The following MTSS1 variants were observed in gnomAD, a reference collection of about 807,000 sequenced individuals.
The protein encoded by MTSS1 is MTSS I-BAR domain containing 1, also known as protein MTSS 1.
Under a neutral mutation model 79.0 loss-of-function variants are expected in MTSS1, and 18 were observed. The ratio of observed to expected loss-of-function variants is 0.23; its 90% CI spans 0.16 to 0.34. The LOEUF (loss-of-function observed/expected upper bound fraction) is 0.34. MTSS1 is among the 10% of genes least tolerant of loss of function. The probability of loss-of-function intolerance (pLI) is 1.00; values close to 1 mark genes in which losing one functional copy is unlikely to be tolerated. For missense variants in MTSS1, 815 were observed against 986.2 expected (o/e 0.83, Z 2.33); for synonymous variants, 341 against 368.6 (o/e 0.93, Z 0.86).
At chr8:124,654,011 G>C (rs1820497746) in intron 3 of MTSS1, among the ~76,000 whole-genome samples, 1 of 152,172 alleles carries the variant, frequency 6.6e-6, no homozygotes, top group Non-Finnish European at 1.5e-5. Context: ...TCACAGAGAA[G>C]TTACAGAACA....
At chr8:124,606,813 A>G (rs1335028068) in intron 3 of MTSS1, among the ~76,000 whole-genome samples, 2 of 152,162 alleles carry the variant, frequency 1.3e-5, no homozygotes, top group Non-Finnish European at 2.9e-5. Flanking sequence ...TTCAGGGTGG[A>G]CATGTACTGT....
intron 1 of MTSS1, 96 bp from the exon 2 acceptor site, chr8:124,704,287 C>T: frequency 9.4e-7 from 1 of 1,060,906 alleles, no homozygotes; most frequent in Non-Finnish European, 1.5e-6. Flanking sequence ...AGGGAACAAT[C>T]TGTGTATGTT....
intron 10 of MTSS1, among the ~76,000 whole-genome samples, chr8:124,562,449 C>T (rs1825541618): frequency 6.6e-6 from 1 of 152,134 alleles, no homozygotes; most frequent in African/African-American, 2.4e-5. Flanking sequence ...TGTGCAATGC[C>T]CTTTAATTAT....
chr8:124,684,659 C>G (rs1011096114), intron 3 of MTSS1, among the ~76,000 whole-genome samples: 1 of 152,128 alleles, frequency 6.6e-6, no homozygotes, highest in South Asian at 2.1e-4. Flanking sequence ...CAGATACCAC[C>G]GGGTTCCATC....
At chr8:124,566,440 C>A (rs1355890700) in intron 8 of MTSS1, among the ~76,000 whole-genome samples, 1 of 152,130 alleles carries the variant, frequency 6.6e-6, no homozygotes, top group Non-Finnish European at 1.5e-5. Context: ...AGCCAGCTCT[C>A]CAAGGAGACG....
chr8:124,709,738 G>A (rs533819748), intron 1 of MTSS1, among the ~76,000 whole-genome samples: 2 of 152,180 alleles, frequency 1.3e-5, no homozygotes, highest in Non-Finnish European at 2.9e-5. Context: ...TTGGGTGAGA[G>A]ATGGGGCTTC....
At chr8:124,660,285 G>A (rs2134356198) in intron 3 of MTSS1, among the ~76,000 whole-genome samples, 1 of 152,238 alleles carries the variant, frequency 6.6e-6, no homozygotes, top group South Asian at 2.1e-4. Context: ...TCTGGAATAG[G>A]CTGTGCCACA....
At chr8:124,602,627 G>A (rs1587172661) in intron 3 of MTSS1, among the ~76,000 whole-genome samples, 1 of 152,166 alleles carries the variant, frequency 6.6e-6, no homozygotes, top group Non-Finnish European at 1.5e-5. Flanking sequence ...AGGCTAGTAG[G>A]TGGACAACTA....
At chr8:124,720,376 A>G (rs1832730787) in intron 1 of MTSS1, among the ~76,000 whole-genome samples, 1 of 152,238 alleles carries the variant, frequency 6.6e-6, no homozygotes, top group Non-Finnish European at 1.5e-5. Context: ...CTGCTGCCAC[A>G]GGGCAGACTA....
chr8:124,718,527 C>A (rs996995980), intron 1 of MTSS1, among the ~76,000 whole-genome samples: 3 of 152,054 alleles, frequency 2.0e-5, no homozygotes, highest in Admixed American at 2.0e-4. Context: ...TGCTGCCGAG[C>A]GGGCTTTGAA....
At chr8:124,682,707 T>C (rs936244008) in intron 3 of MTSS1, among the ~76,000 whole-genome samples, 4 of 152,198 alleles carry the variant, frequency 2.6e-5, no homozygotes, top group African/African-American at 7.2e-5. Context: ...GGCAGCTAAC[T>C]GAAACAGCAG....
At chr8:124,567,576 C>A in intron 7 of MTSS1, 1 of 1,361,340 alleles carries the variant, frequency 7.3e-7, no homozygotes, top group Non-Finnish European at 9.5e-7. Context: ...TATTTTGGTC[C>A]AGATCTTTGT....
intron 3 of MTSS1, among the ~76,000 whole-genome samples, chr8:124,601,550 A>T (rs969648266): frequency 6.6e-6 from 1 of 152,208 alleles, no homozygotes; most frequent in African/African-American, 2.4e-5. Context: ...GTTTCACTAT[A>T]TGAGAAAATA....
chr8:124,583,911 G>T (rs1399329377), intron 6 of MTSS1, among the ~76,000 whole-genome samples: 2 of 152,158 alleles, frequency 1.3e-5, no homozygotes, highest in African/African-American at 4.8e-5. Flanking sequence ...TAGCTCCCAG[G>T]TGCCCTGGTT....
At chr8:124,581,468 T>A (rs887527414) in intron 6 of MTSS1, among the ~76,000 whole-genome samples, 11 of 151,976 alleles carry the variant, frequency 7.2e-5, no homozygotes, top group Non-Finnish European at 1.6e-4. Context: ...TTTTATTTTT[T>A]TTTTTGAGAC....
At chr8:124,630,014 C>T (rs1484707987) in intron 3 of MTSS1, among the ~76,000 whole-genome samples, 2 of 152,338 alleles carry the variant, frequency 1.3e-5, no homozygotes, top group Non-Finnish European at 2.9e-5. Flanking sequence ...GCCCCGCTTG[C>T]TTAATCCTGT....
At position 124,557,665 on chromosome 8, in the gene MTSS1, G is replaced by C. The variant is rs777038229; in HGVS notation, c.1230+16C>G. On this transcript the variant is annotated intron_variant, in intron 11 of 13. Transcript: ENST00000518547. The stretch of plus-strand genomic sequence containing the variant: ...GAGGCAATGACGGGGAGAGGAGGAG[G>C]GGGAGAGACACAAACCTTCCAGCTA... 7 of 1,555,610 alleles carry C rather than the reference G, an allele frequency of 4.5e-6. No homozygotes were observed. The Admixed American group carries it at 1.1e-4, about 25-fold the overall frequency.
At position 124,616,197 on chromosome 8, in the gene MTSS1, G is replaced by A. The variant is rs545673591; in HGVS notation, c.209-24962C>T. Among the ~76,000 whole-genome samples the A allele has an allele frequency of 3.9e-5, 6 of 152,208 alleles. No homozygotes were observed. The East Asian group carries it at 5.8e-4, about 15-fold the overall frequency. ...TGTCAGAAGAGGCCTAACATCCTAC[G>A]CTTCAGCATGCAACAGACAAGATTC... On this transcript the variant is annotated intron_variant, in intron 3 of 13. Transcript: ENST00000518547.
intron 3 of MTSS1, among the ~76,000 whole-genome samples, chr8:124,595,806 A>T (rs2008250): frequency 0.22 from 33,608 of 152,036 alleles, 5,153 homozygotes; most frequent in African/African-American, 0.44. Context: ...AGAGTGTGGC[A>T]GGGCACTGTG....
Sources: allele counts gnomAD v4.1 joint callset (sites outside exome capture counted in the v4.1 genomes callset), GRCh38; gene constraint gnomAD v4.1.1; transcripts MANE v1.5; gene names NCBI Gene and HGNC (gene_info 2026-07-23, HGNC 2026-07-21).